The following LDLRAD3 variants were observed in gnomAD, a reference collection of about 807,000 sequenced individuals.
The protein encoded by LDLRAD3 is low-density lipoprotein receptor class A domain-containing protein 3.
Under a neutral mutation model 29.4 loss-of-function variants are expected in LDLRAD3, and 20 were observed. The ratio of observed to expected loss-of-function variants is 0.68; its 90% CI spans 0.48 to 0.99. The LOEUF (loss-of-function observed/expected upper bound fraction) is 0.99, where lower values mean the gene tolerates loss of function less well. LDLRAD3 is among the 50% of genes least tolerant of loss of function. LDLRAD3 has a pLI of 0.00. For missense variants in LDLRAD3, 420 were observed against 454.3 expected, an observed-to-expected ratio of 0.92 and a Z score of 0.69; for synonymous variants, 157 against 192.7, an observed-to-expected ratio of 0.81 and a Z score of 1.53.
At chr11:36,195,869 T>TA (rs994847065) in intron 4 of LDLRAD3, among the ~76,000 whole-genome samples, 1 of 152,116 alleles carries the variant, frequency 6.6e-6, no homozygotes. Flanking sequence ...AAAATTCAGA[T>TA]ACCTCTGGGT....
intron 1 of LDLRAD3, among the ~76,000 whole-genome samples, chr11:35,964,377 G>A (rs762077232): frequency 1.2e-4 from 19 of 152,184 alleles, no homozygotes; most frequent in Non-Finnish European, 2.6e-4. Context: ...GGGTGAGAGC[G>A]AGGTTGTGTG....
intron 4 of LDLRAD3, among the ~76,000 whole-genome samples, chr11:36,219,499 G>A (rs1230404093): frequency 6.6e-6 from 1 of 152,170 alleles, no homozygotes; most frequent in Non-Finnish European, 1.5e-5. Context: ...AATAGACTCA[G>A]ACTTGTATGG....
chr11:36,015,041 C>G (rs963287502), intron 1 of LDLRAD3, among the ~76,000 whole-genome samples: 45 of 152,180 alleles, frequency 3.0e-4, no homozygotes, highest in African/African-American at 9.4e-4. Flanking sequence ...AGGGCAGTCC[C>G]CTACTCCCTG....
chr11:36,098,603 G>T, intron 4 of LDLRAD3, 142 bp downstream of exon 4: 2 of 859,910 alleles, frequency 2.3e-6, no homozygotes, highest in Non-Finnish European at 1.8e-6. Context: ...TGCAGCCCTT[G>T]TACAGGTAGG....
At chr11:36,211,228 A>C (rs966227367) in intron 4 of LDLRAD3, among the ~76,000 whole-genome samples, 3 of 152,006 alleles carry the variant, frequency 2.0e-5, no homozygotes, top group Admixed American at 6.6e-5. Flanking sequence ...TGTACCAATA[A>C]AACTTTATCT....
chr11:36,206,297 C>T (rs778250778), intron 4 of LDLRAD3, among the ~76,000 whole-genome samples: 4 of 152,118 alleles, frequency 2.6e-5, no homozygotes, highest in African/African-American at 7.2e-5. Flanking sequence ...TTTTAGAATA[C>T]TAATATATAT....
chr11:35,990,661 C>T (rs548938363), intron 1 of LDLRAD3, among the ~76,000 whole-genome samples: 2 of 152,086 alleles, frequency 1.3e-5, no homozygotes, highest in South Asian at 2.1e-4. Context: ...AATGATCTGC[C>T]TGCCTCGGCC....
intron 4 of LDLRAD3, among the ~76,000 whole-genome samples, chr11:36,175,326 T>C (rs1854659694): frequency 6.6e-6 from 1 of 152,230 alleles, no homozygotes; most frequent in South Asian, 2.1e-4. Flanking sequence ...TGCTCTGATC[T>C]TTGTTCTTTC....
chr11:36,221,976 C>T (rs1855435180), intron 4 of LDLRAD3, among the ~76,000 whole-genome samples: 1 of 152,172 alleles, frequency 6.6e-6, no homozygotes, highest in Non-Finnish European at 1.5e-5. Context: ...TACGGATACA[C>T]CATAATTTAT....
chr11:36,100,787 G>T (rs745556732), intron 4 of LDLRAD3, among the ~76,000 whole-genome samples: 2 of 152,260 alleles, frequency 1.3e-5, no homozygotes, highest in Admixed American at 6.5e-5. Flanking sequence ...TACTCATGGT[G>T]CCCTAAGACG....
At chr11:36,024,837 A>C (rs530049662) in intron 1 of LDLRAD3, among the ~76,000 whole-genome samples, 2 of 152,224 alleles carry the variant, frequency 1.3e-5, no homozygotes, top group Non-Finnish European at 1.5e-5. Flanking sequence ...GGTGTGGACT[A>C]TTCTAAGGAA....
At chr11:35,999,347 G>A (rs951656476) in intron 1 of LDLRAD3, among the ~76,000 whole-genome samples, 5 of 152,178 alleles carry the variant, frequency 3.3e-5, no homozygotes, top group African/African-American at 1.2e-4. Flanking sequence ...GGTAGTGGTG[G>A]CATTACTGAT....
chr11:36,036,642 T>G (rs1052352334), intron 2 of LDLRAD3, among the ~76,000 whole-genome samples: 1 of 151,994 alleles, frequency 6.6e-6, no homozygotes, highest in African/African-American at 2.4e-5. Context: ...GACACCAGAG[T>G]CCATGCTGGT....
At chr11:36,014,831 A>G (rs371916211) in intron 1 of LDLRAD3, among the ~76,000 whole-genome samples, 1 of 152,390 alleles carries the variant, frequency 6.6e-6, no homozygotes, top group East Asian at 1.9e-4. Context: ...ATAGCTTGCT[A>G]TAAACTTTAT....
intron 4 of LDLRAD3, among the ~76,000 whole-genome samples, chr11:36,108,028 A>T (rs960849793): frequency 1.3e-5 from 2 of 152,148 alleles, no homozygotes; most frequent in African/African-American, 2.4e-5. Context: ...GATGCATTCC[A>T]GGCCAGGCAC....
At chr11:36,018,358 T>A (rs1852049953) in intron 1 of LDLRAD3, among the ~76,000 whole-genome samples, 1 of 152,222 alleles carries the variant, frequency 6.6e-6, no homozygotes, top group Non-Finnish European at 1.5e-5. Context: ...TCAAGCTCGA[T>A]CCTGTTCAGA....
intron 2 of LDLRAD3, among the ~76,000 whole-genome samples, chr11:36,041,220 C>T (rs1201823243): frequency 6.6e-6 from 1 of 152,232 alleles, no homozygotes; most frequent in Non-Finnish European, 1.5e-5. Flanking sequence ...AGAGCTTCCT[C>T]TAGGCCACAC....
chr11:35,950,857 G>A (rs191869493), intron 1 of LDLRAD3, among the ~76,000 whole-genome samples: 53 of 152,286 alleles, frequency 3.5e-4, no homozygotes, highest in Non-Finnish European at 5.6e-4. Context: ...GCCGAGGTGG[G>A]CGGATCACGA....
At chr11:36,062,356 G>C (rs2133234912) in intron 2 of LDLRAD3, among the ~76,000 whole-genome samples, 1 of 152,244 alleles carries the variant, frequency 6.6e-6, no homozygotes, top group East Asian at 1.9e-4. Context: ...ACATTTTGGG[G>C]CCAGGTAAGT....
Sources: allele counts gnomAD v4.1 joint callset (sites outside exome capture counted in the v4.1 genomes callset), GRCh38; gene constraint gnomAD v4.1.1; transcripts MANE v1.5; gene names NCBI Gene and HGNC (gene_info 2026-07-23, HGNC 2026-07-21).